FBN2: variants seen among roughly 807,000 people sequenced by gnomAD.
FBN2 encodes the protein fibrillin-2.
FBN2 carries 105 observed loss-of-function variants against 355.6 expected under a neutral mutation model. The ratio of observed to expected loss-of-function variants is 0.30; its 90% CI spans 0.25 to 0.35. The LOEUF (loss-of-function observed/expected upper bound fraction) is 0.35. Ranked by LOEUF, FBN2 falls within the 10% of genes least tolerant of loss-of-function variation. FBN2 has a pLI of 1.00. For synonymous variants in FBN2, 1,350 were observed against 1,301.2 expected (o/e 1.04, Z -0.81); for missense variants, 3,280 against 3,758.7 (o/e 0.87, Z 3.33).
At chr5:128,351,163 A>G (rs1751347809) in intron 20 of FBN2, among the ~76,000 whole-genome samples, 158 bp from the exon 21 acceptor site, 1 of 152,020 alleles carries the variant, frequency 6.6e-6, no homozygotes, top group Admixed American at 6.6e-5. Context: ...AGGAAGGATC[A>G]TTTGAGCCCA....
intron 24 of FBN2, 91 bp from the exon 25 acceptor site, chr5:128,344,601 C>A: frequency 8.5e-7 from 1 of 1,183,414 alleles, no homozygotes; most frequent in African/African-American, 1.5e-5. Flanking sequence ...TGATGGACAA[C>A]AGTAATGCAT....
At position 128,429,583 on chromosome 5, in the gene FBN2, T is replaced by C. The variant is rs187847758; in HGVS notation, c.952+16898A>G. Among the ~76,000 whole-genome samples, 330 of 152,322 alleles carry C rather than the reference T, an allele frequency of 2.2e-3. 1 individual carries two copies. Among genetic ancestry groups the C allele is most frequent in the African/African-American group, 7.4e-3 (309 of 41,574 alleles). Reference sequence around the variant, plus strand: ...AGGATCTATACACAACGTAACATTATACTTTGTGGAAAAAAACATCAAAAT... The same window carrying C: ...AGGATCTATACACAACGTAACATTACACTTTGTGGAAAAAAACATCAAAAT... On this transcript the variant is annotated intron_variant, in intron 7 of 64. Coordinates refer to ENST00000262464, the MANE Select transcript of FBN2 (RefSeq NM_001999.4).
At position 128,258,927 on chromosome 5, in the gene FBN2, T is replaced by G. The variant is rs1310830202; in HGVS notation, c.*528A>C. On this transcript the variant is annotated 3_prime_UTR_variant, in exon 65 of 65. Coordinates refer to ENST00000262464, the MANE Select transcript of FBN2 (RefSeq NM_001999.4). ...GGCAGAAAACCAAAGGAAACATCTC[T>G]TGTATCTATTGGATTTTTAAAAAGC... 6.3e-6 allele frequency: 1 copy of G among 159,466 alleles called. No homozygotes were observed. Among genetic ancestry groups the G allele is most frequent in the Admixed American group, 6.1e-5 (1 of 16,406 alleles). 9.9% of individuals were successfully genotyped at this position (159,466 alleles called of 1,614,324 possible).
At chr5:128,518,301 T>TA (rs1302004461) in intron 5 of FBN2, among the ~76,000 whole-genome samples, 1 of 152,166 alleles carries the variant, frequency 6.6e-6, no homozygotes, top group East Asian at 1.9e-4. Flanking sequence ...GCAGTCTATA[T>TA]AGGTCATGAG....
intron 5 of FBN2, among the ~76,000 whole-genome samples, chr5:128,485,610 G>A (rs1205148432): frequency 6.6e-6 from 1 of 152,012 alleles, no homozygotes; most frequent in Non-Finnish European, 1.5e-5. Flanking sequence ...ATAAAACAAT[G>A]ATATATAATA....
chr5:128,371,687 C>T (rs748264562), intron 15 of FBN2, among the ~76,000 whole-genome samples: 2 of 152,086 alleles, frequency 1.3e-5, no homozygotes, highest in African/African-American at 2.4e-5. Context: ...GTGCACACCA[C>T]TACAACCGGC....
intron 48 of FBN2, among the ~76,000 whole-genome samples, chr5:128,294,225 T>A (rs1749428379): frequency 6.6e-6 from 1 of 152,060 alleles, no homozygotes; most frequent in South Asian, 2.1e-4. Context: ...ATTTTCTTAA[T>A]CCAGTCTATC....
chr5:128,261,885 A>G lies in FBN2; in HGVS notation c.8215T>C (p.Phe2739Leu), dbSNP rs1179253134. 6.2e-7 allele frequency: 1 copy of G among 1,614,118 alleles called. No homozygotes were observed. The highest frequency in any genetic ancestry group is 8.5e-7 in the Non-Finnish European group (1 of 1,179,966). ...GQGHCVSGMG[F>L]NKGQYLSLDT... ...AGTGACAGGTACTGCCCCTTGTTAA[A>G]TCCCATTCCTGAGACACAGTGGCTA... Residue 2739 changes from phenylalanine (F) to leucine (L), a missense_variant, in exon 64 of 65, where the codon TTT becomes CTT. Around this residue, in one of 6 missense-constraint regions of FBN2, gnomAD observed 311 missense variants for 319.1 expected, o/e 0.97. Transcript: ENST00000262464.
chr5:128,299,908 TTTAAGTA>T (rs1405301188), intron 48 of FBN2, among the ~76,000 whole-genome samples: 6 of 121,100 alleles, frequency 5.0e-5, no homozygotes, highest in Admixed American at 9.1e-5. Context: ...TTTATTATTT[TTTAAGTA>T]TTAAAAACAC....
intron 18 of FBN2, among the ~76,000 whole-genome samples, chr5:128,362,233 CA>C (rs1282293927): frequency 6.6e-6 from 1 of 152,144 alleles, no homozygotes; most frequent in Non-Finnish European, 1.5e-5. Flanking sequence ...TAACAGAAGG[CA>C]TTTTTTATGA....
At chr5:128,311,248 GC>G in intron 39 of FBN2, 51 bp downstream of exon 39, 1 of 1,605,330 alleles carries the variant, frequency 6.2e-7, no homozygotes, top group Non-Finnish European at 8.5e-7. Context: ...GGCCTCAGCA[GC>G]CATTTTGTTT....
Position 128,261,718 on chromosome 5 carries a change from A to T in FBN2, c.8364+18T>A, listed in dbSNP as rs919764047. ...TAGGGATAAAATTTTGTGGCAACACAGAGTGGGATATACTCACAGCAGTGG... is the reference window on the plus strand; with the variant it reads ...TAGGGATAAAATTTTGTGGCAACACTGAGTGGGATATACTCACAGCAGTGG... On this transcript the variant is annotated intron_variant, in intron 64 of 64. Transcript: ENST00000262464. The T allele has an allele frequency of 6.2e-7, 1 of 1,613,590 alleles. No individual in the cohort carries two copies. The highest frequency in any genetic ancestry group is 1.1e-5 in the South Asian group (1 of 91,068).
At chr5:128,449,208 C>A (rs954997563) in intron 6 of FBN2, among the ~76,000 whole-genome samples, 6 of 150,064 alleles carry the variant, frequency 4.0e-5, no homozygotes, top group Non-Finnish European at 5.9e-5. Flanking sequence ...AAAAGCATAA[C>A]AACAATAACA....
intron 5 of FBN2, among the ~76,000 whole-genome samples, chr5:128,501,753 T>C: frequency 6.6e-6 from 1 of 151,944 alleles, no homozygotes. Context: ...GTAAGATATC[T>C]TATATGATTA....
rs368112779 is a variant in FBN2 at position 128,408,664 on chromosome 5, C to A, written c.1078+10G>T. On this transcript the variant is annotated intron_variant, in intron 8 of 64. Transcript: ENST00000262464. ...CCCAGTGTATTGAGCCTTCAAAATGCGAGGCTTACCGATGCATCGAGAGCC... is the reference window on the plus strand; with the variant it reads ...CCCAGTGTATTGAGCCTTCAAAATGAGAGGCTTACCGATGCATCGAGAGCC... 6 of 1,613,838 alleles carry A rather than the reference C, an allele frequency of 3.7e-6. No homozygotes were observed. The Admixed American group carries it at 6.7e-5, about 18-fold the overall frequency.
intron 61 of FBN2, among the ~76,000 whole-genome samples, chr5:128,272,652 G>A (rs72785103): frequency 0.19 from 28,637 of 151,366 alleles, 2,830 homozygotes; most frequent in African/African-American, 0.21. Flanking sequence ...TCCCTCTTAA[G>A]TATTTAAATA....
chr5:128,333,244 A>T (rs1199253586), intron 31 of FBN2, among the ~76,000 whole-genome samples: 1 of 152,188 alleles, frequency 6.6e-6, no homozygotes, highest in East Asian at 1.9e-4. Context: ...TTCCCTAGAA[A>T]CAACTGTCAG....
chr5:128,280,119 G>A, intron 56 of FBN2, 73 bp downstream of exon 56: 2 of 1,218,388 alleles, frequency 1.6e-6, no homozygotes, highest in South Asian at 2.4e-5. Context: ...ATATATATGT[G>A]GAGCTCTTCT....
chr5:128,277,235 G>A (rs979790182), intron 58 of FBN2, among the ~76,000 whole-genome samples: 3 of 152,130 alleles, frequency 2.0e-5, no homozygotes, highest in Admixed American at 2.0e-4. Flanking sequence ...TGAATACTTT[G>A]GAAAGACCCG....
Sources: allele counts gnomAD v4.1 joint callset (sites outside exome capture counted in the v4.1 genomes callset), GRCh38; gene constraint gnomAD v4.1.1; regional missense constraint gnomAD v4.1.1; transcripts MANE v1.5; gene names NCBI Gene and HGNC (gene_info 2026-07-23, HGNC 2026-07-21).